YIPF4: variants seen among roughly 807,000 people sequenced by gnomAD.
YIPF4 encodes the protein Yip1 domain family member 4, also known as protein YIPF4.
In YIPF4, 18 loss-of-function variants were observed where a neutral mutation model predicts 29.4. That is an observed-to-expected ratio of 0.61 (90% CI 0.42 to 0.91). The LOEUF (loss-of-function observed/expected upper bound fraction) is 0.91, where lower values mean the gene tolerates loss of function less well. Among genes scored for constraint, YIPF4 ranks in the 40% least tolerant of loss-of-function variants. The probability of loss-of-function intolerance (pLI) is 0.00; values close to 1 mark genes in which losing one functional copy is unlikely to be tolerated. For missense variants in YIPF4, 279 were observed against 282.7 expected (o/e 0.99, Z 0.09); for synonymous variants, 115 against 104.7 (o/e 1.10, Z -0.60).
intron 5 of YIPF4, among the ~76,000 whole-genome samples, chr2:32,302,217 G>C (rs952205029): frequency 2.0e-5 from 3 of 151,186 alleles, no homozygotes; most frequent in African/African-American, 4.9e-5. Context: ...TTTTAGTAGA[G>C]ACAGGGTTTC....
chr2:32,290,074 T>C (rs1397197945), intron 1 of YIPF4, among the ~76,000 whole-genome samples: 1 of 152,228 alleles, frequency 6.6e-6, no homozygotes, highest in African/African-American at 2.4e-5. Flanking sequence ...TATATATACA[T>C]ATGTAATGCC....
Position 32,305,624 on chromosome 2 carries a change from T to TATA in YIPF4, c.733_734insATA (p.Ter245delinsTyrArg). ...TTTTTTGTCGTTATATACTGGTGTG[T>TATA]GATCCAAGTTATACATGAATAGAAA... On this transcript the variant is annotated stop_lost, in exon 6 of 6. Coordinates refer to ENST00000238831, the MANE Select transcript of YIPF4 (RefSeq NM_032312.4). 6.3e-7 allele frequency: 1 copy of TATA among 1,582,916 alleles called. No individual in the cohort carries two copies. The highest frequency in any genetic ancestry group is 1.2e-5 in the South Asian group (1 of 84,732).
rs765042135 is a variant in YIPF4, at chr2:32,305,964, A to C, written c.*338A>C. The C allele has an allele frequency of 2.1e-5, 21 of 991,328 alleles. No individual in the cohort carries two copies. Among genetic ancestry groups the C allele is most frequent in the Non-Finnish European group, 2.5e-5 (21 of 833,920 alleles). The allele number at this position is 991,328 out of a possible 1,614,324, so 61.4% of individuals were successfully genotyped here. A position where few individuals can be genotyped will look rare whatever the true frequency, so the allele number is the denominator to read the frequency against. On this transcript the variant is annotated 3_prime_UTR_variant, in exon 6 of 6. Transcript: ENST00000238831. The stretch of plus-strand genomic sequence containing the variant: ...GTAATTATATTTCACTTAAAGGGTA[A>C]ATTTGACAATATCTTGATAATCAAA...
intron 1 of YIPF4, among the ~76,000 whole-genome samples, chr2:32,289,795 A>T (rs1251371331): frequency 6.8e-6 from 1 of 147,494 alleles, no homozygotes; most frequent in Non-Finnish European, 1.5e-5. Flanking sequence ...CCTAAAAAAT[A>T]AAAACAAAAA....
rs571531282 is a variant in YIPF4 at position 32,295,466 on chromosome 2, A to C, written c.406-2768A>C. On this transcript the variant is annotated intron_variant, in intron 3 of 5. Transcript: ENST00000238831. ...TGTCTACAGGGCTGGTTCCTGTGGA[A>C]GCTCCAGGGCAGAATCTGTTGCTTG... Among the ~76,000 whole-genome samples the C allele has an allele frequency of 5.3e-5, 8 of 152,318 alleles. No individual in the cohort carries two copies. In the South Asian group the frequency reaches 1.4e-3, roughly 28 times the overall value.
At chr2:32,284,093 A>G (rs565799046) in intron 1 of YIPF4, among the ~76,000 whole-genome samples, 2 of 152,312 alleles carry the variant, frequency 1.3e-5, no homozygotes, top group African/African-American at 4.8e-5. Context: ...TTCAATAAGC[A>G]TGCACATTTG....
chr2:32,286,969 G>T (rs1465702915), intron 1 of YIPF4, among the ~76,000 whole-genome samples: 1 of 152,118 alleles, frequency 6.6e-6, no homozygotes, highest in Non-Finnish European at 1.5e-5. Context: ...CTTAGGCCAG[G>T]CACAGTGGCT....
Position 32,314,200 on chromosome 2 carries a change from A to G in YIPF4, c.*8574A>G, listed in dbSNP as rs972280140. ...TTACACAATGGAATCTTATGCAGCA[A>G]TGAAAATAAATGAACTAAAGCCGCA... On this transcript the variant is annotated 3_prime_UTR_variant, in exon 6 of 6. Transcript: ENST00000238831. 2.6e-5 allele frequency: 4 copies of G among 152,258 alleles called. No homozygotes were observed. The highest frequency in any genetic ancestry group is 9.6e-5 in the African/African-American group (4 of 41,468). The allele number at this position is 152,258 out of a possible 1,614,324, so 9.4% of individuals were successfully genotyped here. A position where few individuals can be genotyped will look rare whatever the true frequency, so the allele number is the denominator to read the frequency against.
In YIPF4 at chr2:32,306,820, A is replaced by C. The variant is rs2031596264; in HGVS notation, c.*1194A>C. On this transcript the variant is annotated 3_prime_UTR_variant, in exon 6 of 6. Coordinates refer to ENST00000238831, the MANE Select transcript of YIPF4 (RefSeq NM_032312.4). Reference sequence around the variant, plus strand: ...CTGTTAACTATTAGCAAATTATTGTATTATCCTTTCTGGTCTCACCTGGAA... The same window carrying C: ...CTGTTAACTATTAGCAAATTATTGTCTTATCCTTTCTGGTCTCACCTGGAA... 1 of 194,140 alleles carries C rather than the reference A, an allele frequency of 5.2e-6. No homozygotes were observed. Among genetic ancestry groups the C allele is most frequent in the Non-Finnish European group, 9.8e-6 (1 of 101,776 alleles). 12.0% of individuals were successfully genotyped at this position (194,140 alleles called of 1,614,324 possible).
At position 32,315,265 on chromosome 2, in the gene YIPF4, T is replaced by C. The variant is rs7604035; in HGVS notation, c.*9639T>C. 115,421 of 152,120 alleles carry C rather than the reference T, an allele frequency of 0.76. 44,844 individuals carry two copies. Among genetic ancestry groups the C allele is most frequent in the African/African-American group, 0.94 (39,039 of 41,542 alleles). 9.4% of individuals were successfully genotyped at this position (152,120 alleles called of 1,614,324 possible). A position where few individuals can be genotyped will look rare whatever the true frequency, so the allele number is the denominator to read the frequency against. On this transcript the variant is annotated 3_prime_UTR_variant, in exon 6 of 6. Coordinates refer to ENST00000238831, the MANE Select transcript of YIPF4 (RefSeq NM_032312.4). Reference sequence around the variant, plus strand: ...ATTTAAAATCTCTGGAAGCCCCACTTAGTGGCTTCCATCCATGTCTCATGG... The same window carrying C: ...ATTTAAAATCTCTGGAAGCCCCACTCAGTGGCTTCCATCCATGTCTCATGG...
At chr2:32,279,167 C>T (rs1354998198) in intron 1 of YIPF4, among the ~76,000 whole-genome samples, 3 of 151,742 alleles carry the variant, frequency 2.0e-5, no homozygotes, top group Non-Finnish European at 4.4e-5. Context: ...GATGAGGTTT[C>T]ACCGTGTTAG....
intron 1 of YIPF4, among the ~76,000 whole-genome samples, chr2:32,288,335 A>G (rs1344793096): frequency 6.6e-6 from 1 of 152,192 alleles, no homozygotes; most frequent in Non-Finnish European, 1.5e-5. Context: ...CTTGAGCACA[A>G]CATTCCTTAG....
intron 3 of YIPF4, among the ~76,000 whole-genome samples, chr2:32,292,646 G>T (rs1199206085): frequency 6.6e-6 from 1 of 151,494 alleles, no homozygotes; most frequent in African/African-American, 2.4e-5. Flanking sequence ...GTGGATCACG[G>T]GGTCAGGAGA....
At chr2:32,291,796 C>G (rs886361884) in intron 2 of YIPF4, among the ~76,000 whole-genome samples, 2 of 151,836 alleles carry the variant, frequency 1.3e-5, no homozygotes, top group Non-Finnish European at 2.9e-5. Context: ...AATATAAAAC[C>G]TACACTGGTT....
chr2:32,299,267 C>T (rs1184162602), intron 4 of YIPF4, among the ~76,000 whole-genome samples: 1 of 152,124 alleles, frequency 6.6e-6, no homozygotes, highest in East Asian at 1.9e-4. Context: ...ATAAACAATA[C>T]ATTTAAAGAA....
intron 3 of YIPF4, among the ~76,000 whole-genome samples, chr2:32,294,591 C>T (rs1163816439): frequency 6.6e-6 from 1 of 150,388 alleles, no homozygotes; most frequent in Non-Finnish European, 1.5e-5. Flanking sequence ...GACTGGGCAG[C>T]CAGGCAGAGG....
intron 3 of YIPF4, among the ~76,000 whole-genome samples, chr2:32,293,182 A>C (rs918656079): frequency 6.6e-6 from 1 of 152,010 alleles, no homozygotes; most frequent in Non-Finnish European, 1.5e-5. Context: ...TAAACAAGTG[A>C]ACAAAGAAAC....
chr2:32,309,470 G>A lies in YIPF4; in HGVS notation c.*3844G>A, dbSNP rs1460290078. On this transcript the variant is annotated 3_prime_UTR_variant, in exon 6 of 6. Transcript: ENST00000238831. ...TTCTAAATTAGTGAAAATTTGCATT[G>A]AATTAAAATGTGAAGTAAATATTTT... 1.3e-5 allele frequency: 2 copies of A among 152,054 alleles called. No individual in the cohort carries two copies. The allele number at this position is 152,054 out of a possible 1,614,324, so 9.4% of individuals were successfully genotyped here.
intron 3 of YIPF4, 141 bp from the exon 4 acceptor site, chr2:32,298,093 A>T: frequency 1.7e-6 from 1 of 587,104 alleles, no homozygotes; most frequent in South Asian, 2.3e-5. Context: ...GTTTTGGAGT[A>T]ATACCTGAGA....
Sources: gnomAD v4.1 joint callset for allele counts (sites outside exome capture counted in the v4.1 genomes callset) on GRCh38, gnomAD v4.1.1 for gene constraint, MANE v1.5 for transcripts, NCBI Gene and HGNC (gene_info 2026-07-23, HGNC 2026-07-21) for gene names.